The following CPS1 variants were observed in gnomAD, a reference collection of about 807,000 sequenced individuals.
The protein encoded by CPS1 is carbamoyl-phosphate synthase 1.
CPS1 carries 109 observed loss-of-function variants against 174.6 expected under a neutral mutation model. The ratio of observed to expected loss-of-function variants is 0.62; its 90% CI spans 0.53 to 0.73. The LOEUF is 0.73. CPS1 is among the 30% of genes least tolerant of loss of function. The probability of loss-of-function intolerance (pLI) is 0.00; values close to 1 mark genes in which losing one functional copy is unlikely to be tolerated. For missense variants in CPS1, 1,689 were observed against 1,821.9 expected (o/e 0.93, Z 1.33); for synonymous variants, 637 against 632.0 (o/e 1.01, Z -0.12).
intron 1 of CPS1, 37 bp downstream of exon 1, chr2:210,556,896 T>C: frequency 1.2e-6 from 2 of 1,608,896 alleles, no homozygotes; most frequent in South Asian, 1.1e-5. Context: ...TAAAATACTA[T>C]GGGGTATAGT....
At chr2:210,606,506 A>G (rs898033757) in intron 17 of CPS1, among the ~76,000 whole-genome samples, 1 of 151,870 alleles carries the variant, frequency 6.6e-6, no homozygotes, top group African/African-American at 2.4e-5. Flanking sequence ...CTTGATAGCT[A>G]CTTACTAGAT....
At chr2:210,521,513 TA>T (rs1158796417) in intron 1 of CPS1, among the ~76,000 whole-genome samples, 1 of 151,940 alleles carries the variant, frequency 6.6e-6, no homozygotes, top group Non-Finnish European at 1.5e-5. Context: ...AGTTTTCTGT[TA>T]AAAAATTATT....
chr2:210,540,990 C>A (rs1696405377), intron 1 of CPS1, among the ~76,000 whole-genome samples: 1 of 152,160 alleles, frequency 6.6e-6, no homozygotes, highest in African/African-American at 2.4e-5. Context: ...GACCTCCCAT[C>A]TTTTTGACTC....
At chr2:210,670,590 C>G (rs1306160173) in intron 34 of CPS1, among the ~76,000 whole-genome samples, 1 of 152,108 alleles carries the variant, frequency 6.6e-6, no homozygotes, top group African/African-American at 2.4e-5. Flanking sequence ...CATATAAACA[C>G]TTTTGGATAT....
At chr2:210,507,959 G>C (rs1695337311) in intron 1 of CPS1, among the ~76,000 whole-genome samples, 1 of 151,936 alleles carries the variant, frequency 6.6e-6, no homozygotes, top group African/African-American at 2.4e-5. Flanking sequence ...GTCAACATTA[G>C]ACAGATCAAC....
intron 1 of CPS1, among the ~76,000 whole-genome samples, chr2:210,496,682 C>T (rs938860577): frequency 1.3e-5 from 2 of 152,146 alleles, no homozygotes; most frequent in Non-Finnish European, 2.9e-5. Context: ...TTGCACTACT[C>T]TCTTGCTAGC....
chr2:210,645,612 T>C (rs1700354821), intron 25 of CPS1, among the ~76,000 whole-genome samples: 1 of 152,018 alleles, frequency 6.6e-6, no homozygotes, highest in Non-Finnish European at 1.5e-5. Context: ...CTGGACCCCA[T>C]CTCTACTAAA....
At chr2:210,567,246 A>G (rs933486989) in intron 1 of CPS1, among the ~76,000 whole-genome samples, 1 of 152,166 alleles carries the variant, frequency 6.6e-6, no homozygotes, top group Non-Finnish European at 1.5e-5. Context: ...AGTATACGTT[A>G]TCTTTAATTA....
chr2:210,663,251 G>T, intron 33 of CPS1, 54 bp downstream of exon 33: 1 of 1,514,528 alleles, frequency 6.6e-7, no homozygotes, highest in Non-Finnish European at 9.2e-7. Flanking sequence ...TGAAATCTAT[G>T]GTTTTATGAT....
intron 34 of CPS1, among the ~76,000 whole-genome samples, chr2:210,670,681 G>A (rs1701271098): frequency 6.6e-6 from 1 of 152,096 alleles, no homozygotes. Flanking sequence ...CCAATGGAAG[G>A]CATCTAGTTG....
In CPS1 at chr2:210,630,104, A is replaced by C. The variant is rs536020348; in HGVS notation, c.2688-7598A>C. On this transcript the variant is annotated intron_variant, in intron 21 of 37. Transcript: ENST00000233072. ...CAAAAAAACAAAACAAAAAAAAAAA[A>C]CAAAACCATGAAAAAACAAAATGTG... 3.7e-4 allele frequency among the ~76,000 whole-genome samples: 56 copies of C among 151,356 alleles called. 1 individual carries two copies. Among genetic ancestry groups the C allele is most frequent in the African/African-American group, 3.9e-4 (16 of 41,384 alleles).
intron 1 of CPS1, among the ~76,000 whole-genome samples, chr2:210,506,225 C>T (rs116012745): frequency 0.059 from 9,002 of 152,168 alleles, 383 homozygotes; most frequent in Non-Finnish European, 0.091. Flanking sequence ...TTGCTGTTCG[C>T]CAATATCCGC....
In CPS1 at chr2:210,594,536, TAAAG is replaced by T; in HGVS notation, c.1198_1201del (p.Lys400GlufsTer15). 1.2e-6 allele frequency: 2 copies of T among 1,611,092 alleles called. No homozygotes were observed. The highest frequency in any genetic ancestry group is 1.7e-6 in the Non-Finnish European group (2 of 1,178,140). ...CTGTTTGATTCCTTTTTCTCACTGA[TAAAG>T]AAAGGAAAAGCTACCACCATTACAT... On this transcript the variant is annotated frameshift_variant, in exon 12 of 38. Transcript: ENST00000233072. LOFTEE classifies it high-confidence loss of function.
chr2:210,587,367 T>C (rs1027914538), intron 6 of CPS1, among the ~76,000 whole-genome samples: 33 of 152,070 alleles, frequency 2.2e-4, no homozygotes, highest in Non-Finnish European at 1.5e-5. Context: ...TTATTTCTCC[T>C]TTTATGACTT....
intron 28 of CPS1, among the ~76,000 whole-genome samples, chr2:210,651,372 G>A (rs1209735449): frequency 1.3e-5 from 2 of 152,212 alleles, no homozygotes; most frequent in South Asian, 2.1e-4. Flanking sequence ...AAGAGGCAAA[G>A]AGTGTAAAAG....
intron 1 of CPS1, among the ~76,000 whole-genome samples, chr2:210,497,893 C>CAT (rs59178446): frequency 0.16 from 13,597 of 86,848 alleles, 1,528 homozygotes; most frequent in Admixed American, 0.2. Context: ...TATATACATA[C>CAT]ATATATATAT....
chr2:210,557,001 CCTA>C, intron 1 of CPS1, 142 bp downstream of exon 1: 1 of 974,886 alleles, frequency 1.0e-6, no homozygotes, highest in East Asian at 2.6e-5. Context: ...TACTGTGGAA[CCTA>C]CTGACTTAGC....
chr2:210,491,307 GTTTTTTTTTTTTTTTTT>G lies in CPS1; in HGVS notation c.3+13556_3+13572del, dbSNP rs66825517. Among the ~76,000 whole-genome samples the G allele has an allele frequency of 7.4e-3, 371 of 50,364 alleles. 1 individual carries two copies. Among genetic ancestry groups the G allele is most frequent in the Non-Finnish European group, 0.01 (304 of 30,080 alleles). 33.0% of individuals were successfully genotyped at this position (50,364 alleles called of 152,430 possible). Reference sequence around the variant, plus strand: ...GTAAAAGCATGTATTTGGTATCTGTGTTTTTTTTTTTTTTTTTTTTTTTTTTTTTTTGAGACGGAGTC... The same window carrying G: ...GTAAAAGCATGTATTTGGTATCTGTGTTTTTTTTTTTTTTGAGACGGAGTC... On this transcript the variant is annotated intron_variant, in intron 1 of 38. Coordinates refer to the CPS1 transcript ENST00000430249.
At chr2:210,573,025 T>A (rs1476182383) in intron 1 of CPS1, among the ~76,000 whole-genome samples, 1 of 152,066 alleles carries the variant, frequency 6.6e-6, no homozygotes, top group African/African-American at 2.4e-5. Context: ...TTCTGGCTTG[T>A]TAACAACTCT....
Sources: allele counts gnomAD v4.1 joint callset (sites outside exome capture counted in the v4.1 genomes callset), GRCh38; gene constraint gnomAD v4.1.1; transcripts MANE v1.5; gene names NCBI Gene and HGNC (gene_info 2026-07-23, HGNC 2026-07-21).